NCOR1: variants seen among roughly 807,000 people sequenced by gnomAD.
NCOR1 encodes the protein protein phosphatase 1, regulatory subunit 109.
Under a neutral mutation model 288.1 loss-of-function variants are expected in NCOR1, and 63 were observed. The observed-to-expected ratio is 0.22, with a 90% CI of 0.18 to 0.27. The LOEUF (loss-of-function observed/expected upper bound fraction) is 0.27. Among genes scored for constraint, NCOR1 ranks in the 10% least tolerant of loss-of-function variants. NCOR1 has a pLI of 1.00. For missense variants in NCOR1, 2,397 were observed against 3,019.2 expected, an observed-to-expected ratio of 0.79 and a Z score of 4.83; for synonymous variants, 1,007 against 1,065.9, an observed-to-expected ratio of 0.94 and a Z score of 1.08.
At chr17:16,122,303 T>A (rs1024415886) in intron 15 of NCOR1, among the ~76,000 whole-genome samples, 1 of 152,262 alleles carries the variant, frequency 6.6e-6, no homozygotes, top group Non-Finnish European at 1.5e-5. Flanking sequence ...TAATGGAAGA[T>A]GCTGATTTTT....
chr17:16,185,416 G>A (rs2086438143), intron 3 of NCOR1, among the ~76,000 whole-genome samples: 1 of 151,922 alleles, frequency 6.6e-6, no homozygotes, highest in Non-Finnish European at 1.5e-5. Flanking sequence ...AGGTGCAGTG[G>A]CTCATGCCTA....
In NCOR1 at chr17:16,030,707, G is replaced by A. The variant is rs772844286; in HGVS notation, c.*1589C>T. The stretch of plus-strand genomic sequence containing the variant: ...AGGGACAGGAGTGAAAGCTTTGACT[G>A]AAGACAAATGTGGGCTTATGGCCTA... On this transcript the variant is annotated 3_prime_UTR_variant, in exon 46 of 46. Transcript: ENST00000268712. 3 of 179,496 alleles carry A rather than the reference G, an allele frequency of 1.7e-5. No individual in the cohort carries two copies. The highest frequency in any genetic ancestry group is 3.6e-5 in the Non-Finnish European group (3 of 83,914). 11.1% of individuals were successfully genotyped at this position (179,496 alleles called of 1,614,324 possible).
chr17:16,177,086 C>A (rs575579213), intron 3 of NCOR1, among the ~76,000 whole-genome samples: 11 of 152,070 alleles, frequency 7.2e-5, no homozygotes, highest in Non-Finnish European at 1.0e-4. Context: ...TTCTTCTGCA[C>A]TCACTCTAAT....
At chr17:16,064,243 C>A in intron 34 of NCOR1, 56 bp from the exon 35 acceptor site, 1 of 1,548,210 alleles carries the variant, frequency 6.5e-7, no homozygotes, top group South Asian at 1.2e-5. Context: ...CTGAGTATAT[C>A]AAACAATTCC....
chr17:16,068,736 G>A (rs868327015), intron 31 of NCOR1, among the ~76,000 whole-genome samples: 17 of 126,774 alleles, frequency 1.3e-4, no homozygotes, highest in Admixed American at 3.4e-4. Context: ...TTTTTTTTGA[G>A]ATAGAGTCTC....
At chr17:16,192,697 C>G (rs577912704) in intron 2 of NCOR1, among the ~76,000 whole-genome samples, 177 of 151,832 alleles carry the variant, frequency 1.2e-3, no homozygotes, top group African/African-American at 4.1e-3. Flanking sequence ...AAAAAATGTA[C>G]GCTCTCCAAA....
chr17:16,090,842 TTAAA>T (rs1306145870), intron 22 of NCOR1, among the ~76,000 whole-genome samples: 1 of 152,210 alleles, frequency 6.6e-6, no homozygotes, highest in African/African-American at 2.4e-5. Context: ...CTATTTTATA[TTAAA>T]TAACCCTTGG....
intron 42 of NCOR1, among the ~76,000 whole-genome samples, chr17:16,046,058 C>G (rs1303631254): frequency 6.6e-6 from 1 of 152,164 alleles, no homozygotes; most frequent in Non-Finnish European, 1.5e-5. Context: ...ATCAATCCTC[C>G]CGCCTTGGCC....
chr17:16,098,668 AC>A (rs2067077415), intron 20 of NCOR1, 172 bp from the exon 21 acceptor site: 1 of 469,654 alleles, frequency 2.1e-6, no homozygotes, highest in African/African-American at 2.0e-5. Context: ...AAAGGAACCT[AC>A]AAAGCTGATT....
intron 14 of NCOR1, among the ~76,000 whole-genome samples, chr17:16,127,104 T>G (rs2074194924): frequency 1.9e-5 from 2 of 105,184 alleles, no homozygotes. Flanking sequence ...CATAGGTGTG[T>G]GTGTGTATAT....
At chr17:16,064,043 T>C in intron 35 of NCOR1, 25 bp downstream of exon 35, 1 of 1,612,906 alleles carries the variant, frequency 6.2e-7, no homozygotes. Context: ...GTCCAGAGAA[T>C]GGAAGAGCAG....
In NCOR1 at chr17:16,104,191, G is replaced by A. The variant is rs377302748; in HGVS notation, c.2183-2434C>T. Among the ~76,000 whole-genome samples the A allele has an allele frequency of 7.9e-5, 12 of 152,152 alleles. No homozygotes were observed. In the East Asian group the frequency reaches 1.9e-3, roughly 24 times the overall value. On this transcript the variant is annotated intron_variant, in intron 19 of 45. Transcript: ENST00000268712. The stretch of plus-strand genomic sequence containing the variant: ...ATCATTTATTTTGATTATCACTTAA[G>A]TACTAGCCTGGTACACAGTAGACTC...
intron 15 of NCOR1, among the ~76,000 whole-genome samples, chr17:16,122,989 G>A (rs1351935216): frequency 2.0e-5 from 3 of 152,004 alleles, no homozygotes; most frequent in Non-Finnish European, 2.9e-5. Context: ...GCTATGTAAG[G>A]TTACCCATTC....
rs972918832 is a variant in NCOR1 at position 16,031,131 on chromosome 17, A to G, written c.*1165T>C. The G allele has an allele frequency of 2.1e-5, 4 of 194,976 alleles. No homozygotes were observed. The highest frequency in any genetic ancestry group is 4.3e-5 in the Non-Finnish European group (4 of 93,760). 12.1% of individuals were successfully genotyped at this position (194,976 alleles called of 1,614,324 possible). On this transcript the variant is annotated 3_prime_UTR_variant, in exon 46 of 46. Coordinates refer to ENST00000268712, the MANE Select transcript of NCOR1 (RefSeq NM_006311.4). Reference sequence around the variant, plus strand: ...GAATTCAGTCTTTTAAATTATTTGCACCTTGAGACTCTGTGAAATGAAAAC... The same window carrying G: ...GAATTCAGTCTTTTAAATTATTTGCGCCTTGAGACTCTGTGAAATGAAAAC...
rs2074403661 is a variant in NCOR1, at chr17:16,127,297, GTATGTATATATACATGTATGTATA to G, written c.1510-1115_1510-1092del. ...TGTATATATACGTGTATATATGTAT[GTATGTATATATACATGTATGTATA>G]TATGTATGTATATATACATGTATGT... On this transcript the variant is annotated intron_variant, in intron 14 of 45. Coordinates refer to ENST00000268712, the MANE Select transcript of NCOR1 (RefSeq NM_006311.4). 1.3e-4 allele frequency among the ~76,000 whole-genome samples: 14 copies of G among 104,486 alleles called. 5 individuals are homozygous for G. Among genetic ancestry groups the G allele is most frequent in the Admixed American group, 5.8e-4 (6 of 10,424 alleles). 68.5% of individuals were successfully genotyped at this position (104,486 alleles called of 152,430 possible).
chr17:16,177,660 G>C (rs1468019761), intron 3 of NCOR1, among the ~76,000 whole-genome samples: 1 of 152,144 alleles, frequency 6.6e-6, no homozygotes, highest in African/African-American at 2.4e-5. Context: ...CCTCTGCTAA[G>C]GACTCTGGCC....
chr17:16,150,627 A>C (rs1421707853), intron 8 of NCOR1, among the ~76,000 whole-genome samples: 1 of 152,160 alleles, frequency 6.6e-6, no homozygotes, highest in Non-Finnish European at 1.5e-5. Flanking sequence ...GACATGAAAT[A>C]AATCGGACAG....
At chr17:16,188,547 G>A (rs1479866221) in intron 2 of NCOR1, among the ~76,000 whole-genome samples, 2 of 151,572 alleles carry the variant, frequency 1.3e-5, no homozygotes, top group Non-Finnish European at 2.9e-5. Flanking sequence ...GGAGGGGGAG[G>A]GTGCAGTGAG....
chr17:16,207,613 C>T lies in NCOR1; in HGVS notation c.-71+7749G>A, dbSNP rs181793364. 5.9e-4 allele frequency among the ~76,000 whole-genome samples: 89 copies of T among 151,736 alleles called. 1 individual carries two copies. The highest frequency in any genetic ancestry group is 1.9e-3 in the African/African-American group (77 of 41,402). The stretch of plus-strand genomic sequence containing the variant: ...AAAATTAGCCAGGCGTGGTGGCAGA[C>T]GCCTGTAGTCCCAGCTACTCTGGAG... On this transcript the variant is annotated intron_variant, in intron 1 of 45. Coordinates refer to ENST00000268712, the MANE Select transcript of NCOR1 (RefSeq NM_006311.4).
Sources: allele counts gnomAD v4.1 joint callset (sites outside exome capture counted in the v4.1 genomes callset), GRCh38; gene constraint gnomAD v4.1.1; transcripts MANE v1.5; gene names NCBI Gene and HGNC (gene_info 2026-07-23, HGNC 2026-07-21).